Variants in CASD1 observed in about 807,000 individuals in gnomAD.
The protein encoded by CASD1 is CAS1 domain sialic acid O acetyltransferase 1.
A neutral mutation model predicts 100.0 loss-of-function variants in CASD1; 41 were observed. That is an observed-to-expected ratio of 0.41 (90% CI 0.32 to 0.53). CASD1 has a LOEUF of 0.53. CASD1 is among the 20% of genes least tolerant of loss of function. CASD1 has a pLI of 0.25. For synonymous variants in CASD1, 321 were observed against 315.6 expected (o/e 1.02, Z -0.18); for missense variants, 774 against 948.7 (o/e 0.82, Z 2.42).
chr7:94,598,757 C>T, the CASD1 span: 1 of 1,540,906 alleles, frequency 6.5e-7, no homozygotes, highest in Non-Finnish European at 9.0e-7. Flanking sequence ...ATAATTATGG[C>T]TCTAAGTGGA....
At chr7:94,627,635 C>T in the CASD1 span, 2 of 152,406 alleles carry the variant, frequency 1.3e-5, no homozygotes, top group Admixed American at 6.6e-5. Context: ...TCTACTTTGT[C>T]AAGTAAATTC....
the CASD1 span, chr7:94,628,620 C>T: frequency 4.6e-6 from 2 of 436,722 alleles, no homozygotes; most frequent in East Asian, 4.6e-5. Context: ...TTTTTGGTCA[C>T]CTAACAGTGA....
chr7:94,513,242 C>G (rs1289893744), intron 1 of CASD1, among the ~76,000 whole-genome samples: 2 of 143,724 alleles, frequency 1.4e-5, no homozygotes, highest in Non-Finnish European at 3.0e-5. Flanking sequence ...GGGAGAATCA[C>G]TTGAACCCAG....
At chr7:94,529,713 T>C (rs1229603372) in intron 5 of CASD1, among the ~76,000 whole-genome samples, 2 of 152,150 alleles carry the variant, frequency 1.3e-5, no homozygotes, top group Non-Finnish European at 2.9e-5. Flanking sequence ...ATCTAGTAGA[T>C]GGTGAATTAC....
chr7:94,559,308 G>GTGTGTGTGTA (rs1554417423), downstream of CASD1, among the ~76,000 whole-genome samples: 19,393 of 122,608 alleles, frequency 0.16, 1,379 homozygotes, highest in Non-Finnish European at 0.22. Flanking sequence ...GTGTGTGTAT[G>GTGTGTGTGTA]TGTGTGTGTG....
chr7:94,510,689 C>G (rs570234966), intron 1 of CASD1, among the ~76,000 whole-genome samples: 3 of 152,340 alleles, frequency 2.0e-5, no homozygotes, highest in African/African-American at 7.2e-5. Flanking sequence ...GGCTCCTTAG[C>G]CTTTGTTTAA....
the CASD1 span, among the ~76,000 whole-genome samples, chr7:94,608,103 G>T: frequency 6.6e-6 from 1 of 152,310 alleles, no homozygotes; most frequent in African/African-American, 2.4e-5. Flanking sequence ...CAGCAGTTTT[G>T]CAGGCCGAGG....
At chr7:94,519,346 A>C (rs181527307) in intron 3 of CASD1, among the ~76,000 whole-genome samples, 185 of 152,292 alleles carry the variant, frequency 1.2e-3, no homozygotes, top group African/African-American at 4.4e-3. Context: ...AGTCGAACAC[A>C]AGAAAGTTTA....
chr7:94,537,926 C>T, intron 9 of CASD1, 32 bp downstream of exon 9: 6 of 1,193,272 alleles, frequency 5.0e-6, no homozygotes, highest in African/African-American at 1.5e-5. Context: ...ACTCATGTTA[C>T]CCTTCTTGTC....
At chr7:94,527,086 C>T in intron 3 of CASD1, 76 bp from the exon 4 acceptor site, 3 of 1,057,768 alleles carry the variant, frequency 2.8e-6, no homozygotes, top group South Asian at 1.4e-5. Flanking sequence ...AAAAATAAAT[C>T]AAAGCAGCTA....
chr7:94,578,236 A>C, the CASD1 span, among the ~76,000 whole-genome samples: 34 of 152,336 alleles, frequency 2.2e-4, 1 homozygote, highest in African/African-American at 5.3e-4. Context: ...GTAATTTAAA[A>C]ATGTAAATTG....
chr7:94,544,452 A>C lies in CASD1; in HGVS notation c.1398A>C (p.Ala466=), dbSNP rs1445272923. ...TGCACATTCGAGTTCTGGTTGCTGC[A>C]TATTTATTTCAGACAGGGTATGGGC... ...VYMHIRVLVA[A]YLFQTGYGHF... Residue 466 remains alanine, a synonymous_variant, in exon 11 of 18, where the codon GCA becomes GCC. Transcript: ENST00000297273. 2 of 1,613,342 alleles carry C rather than the reference A, an allele frequency of 1.2e-6. No homozygotes were observed. The highest frequency in any genetic ancestry group is 2.7e-5 in the African/African-American group (2 of 75,000).
At chr7:94,570,295 C>A in the CASD1 span, among the ~76,000 whole-genome samples, 664 of 152,154 alleles carry the variant, frequency 4.4e-3, 4 homozygotes, top group African/African-American at 0.015. Flanking sequence ...CTTCTCACTT[C>A]TTTTTGTGTA....
At chr7:94,617,005 A>T in the CASD1 span, 1 of 152,230 alleles carries the variant, frequency 6.6e-6, no homozygotes, top group Non-Finnish European at 1.5e-5. Context: ...ATCTGACGGC[A>T]TGTGCCACCC....
rs111325905 is a variant in CASD1 at position 94,536,131 on chromosome 7, T to A, written c.843+608T>A. Among the ~76,000 whole-genome samples, 606 of 152,174 alleles carry A rather than the reference T, an allele frequency of 4.0e-3. 3 individuals are homozygous for A. The highest frequency in any genetic ancestry group is 5.8e-3 in the Admixed American group (88 of 15,284). On this transcript the variant is annotated intron_variant, in intron 8 of 17. Transcript: ENST00000297273. ...GGTGGCACACGCTTGTAATCCCAGCTACTCGGGAGGCTGAGGCAGAAGAAT... is the reference window on the plus strand; with the variant it reads ...GGTGGCACACGCTTGTAATCCCAGCAACTCGGGAGGCTGAGGCAGAAGAAT...
intron 16 of CASD1, 88 bp downstream of exon 16, chr7:94,552,515 C>T: frequency 1.1e-6 from 1 of 919,610 alleles, no homozygotes; most frequent in Non-Finnish European, 1.7e-6. Context: ...GATTGAACTC[C>T]AGAAAATGTA....
At chr7:94,629,356 T>C in the CASD1 span, 89 of 200,848 alleles carry the variant, frequency 4.4e-4, no homozygotes, top group Admixed American at 2.1e-3. Context: ...CATTCTCCTC[T>C]ACAACATATG....
At chr7:94,534,991 T>C (rs945598948) in intron 7 of CASD1, among the ~76,000 whole-genome samples, 1 of 152,212 alleles carries the variant, frequency 6.6e-6, no homozygotes, top group African/African-American at 2.4e-5. Context: ...TTACCTGTTA[T>C]AACTCAGCAT....
chr7:94,534,263 C>G (rs1584405213), intron 7 of CASD1, among the ~76,000 whole-genome samples: 1 of 148,938 alleles, frequency 6.7e-6, no homozygotes, highest in African/African-American at 2.5e-5. Flanking sequence ...GCCTCCCAGG[C>G]TCAAGCGATC....
Sources: gnomAD v4.1 joint callset for allele counts (sites outside exome capture counted in the v4.1 genomes callset) on GRCh38, gnomAD v4.1.1 for gene constraint, MANE v1.5 for transcripts, NCBI Gene and HGNC (gene_info 2026-07-23, HGNC 2026-07-21) for gene names.